MAPT: variants seen among roughly 807,000 people sequenced by gnomAD.
The protein encoded by MAPT is microtubule-associated protein tau.
MAPT carries 34 observed loss-of-function variants against 67.9 expected under a neutral mutation model. The ratio of observed to expected loss-of-function variants is 0.50; its 90% CI spans 0.38 to 0.67. The LOEUF is 0.67. Among genes scored for constraint, MAPT ranks in the 30% least tolerant of loss-of-function variants. The pLI is 0.00. For synonymous variants in MAPT, 456 were observed against 464.5 expected, an observed-to-expected ratio of 0.98 and a Z score of 0.23; for missense variants, 881 against 1,115.2, an observed-to-expected ratio of 0.79 and a Z score of 2.99.
At position 45,991,471 on chromosome 17, in the gene MAPT, T is replaced by C; in HGVS notation, c.1617T>C (p.Gly539=). ...TGTTTCATTTACAGGGGGCTGATGG[T>C]AAAACGAAGATCGCCACACCGCGGG... ...AKEMKLKGAD[G]KTKIATPRGA... The change falls in exon 8 of 13, where the codon GGT becomes GGC. Residue 539 remains glycine (G), a synonymous_variant. Coordinates refer to ENST00000262410, the MANE Select transcript of MAPT (RefSeq NM_001377265.1). 1 of 1,614,128 alleles carries C rather than the reference T, an allele frequency of 6.2e-7. No homozygotes were observed. The highest frequency in any genetic ancestry group is 1.3e-5 in the African/African-American group (1 of 75,038).
chr17:45,903,973 T>TTTA lies in MAPT; in HGVS notation c.-18+9288_-18+9289insTAT, dbSNP rs1568133456. Reference sequence around the variant, plus strand: ...TATATTATATATTATATATTATATATTATATATTATATATTTATATATATT... The same window carrying TTTA: ...TATATTATATATTATATATTATATATTTATATATATTATATATTTATATATATT... On this transcript the variant is annotated intron_variant, in intron 1 of 12. Transcript: ENST00000262410. Among the ~76,000 whole-genome samples, 35 of 16,228 alleles carry TTTA rather than the reference T, an allele frequency of 2.2e-3. 1 individual carries two copies. The highest frequency in any genetic ancestry group is 5.8e-3 in the African/African-American group (33 of 5,734). The allele number at this position is 16,228 out of a possible 152,430, so 10.6% of individuals were successfully genotyped here.
chr17:45,993,822 GC>G (rs2074259979), intron 8 of MAPT: 5 of 1,235,646 alleles, frequency 4.0e-6, no homozygotes, highest in Admixed American at 2.0e-5. Flanking sequence ...TCAGAATGGG[GC>G]CCCTGCTGGG....
At chr17:45,968,632 C>T (rs1417746617) in intron 2 of MAPT, among the ~76,000 whole-genome samples, 3 of 152,236 alleles carry the variant, frequency 2.0e-5, no homozygotes, top group African/African-American at 4.8e-5. Flanking sequence ...ACCAGAGCCA[C>T]TTTGTCCATC....
intron 5 of MAPT, among the ~76,000 whole-genome samples, chr17:45,986,285 C>CATT (rs1371798780): frequency 6.6e-6 from 1 of 152,184 alleles, no homozygotes; most frequent in African/African-American, 2.4e-5. Flanking sequence ...CCAAAGCCAC[C>CATT]ATTAGTGAGG....
intron 2 of MAPT, among the ~76,000 whole-genome samples, chr17:45,965,573 G>A (rs112003311): frequency 0.14 from 21,922 of 151,574 alleles, 2,128 homozygotes; most frequent in Non-Finnish European, 0.22. Flanking sequence ...CTACCACCAC[G>A]CCTGGCCAGT....
At position 46,022,896 on chromosome 17, in the gene MAPT, T is replaced by C. The variant is rs1442714377; in HGVS notation, c.2287-1060T>C. Among the ~76,000 whole-genome samples the C allele has an allele frequency of 2.6e-5, 4 of 151,654 alleles. No individual in the cohort carries two copies. The South Asian group carries it at 6.2e-4, about 24-fold the overall frequency. On this transcript the variant is annotated intron_variant, in intron 12 of 12. Coordinates refer to ENST00000262410, the MANE Select transcript of MAPT (RefSeq NM_001377265.1). ...CCTGGGCAAGTAGATAGGTAGATGA[T>C]TGATAGATAGATAGATAGATAAATA...
intron 11 of MAPT, among the ~76,000 whole-genome samples, chr17:46,017,651 G>A (rs533693094): frequency 1.4e-5 from 2 of 147,998 alleles, no homozygotes; most frequent in East Asian, 4.1e-4. Flanking sequence ...TAGAGACGAG[G>A]TTTCACCATG....
chr17:45,924,614 C>T (rs1261256666), intron 1 of MAPT, among the ~76,000 whole-genome samples: 3 of 152,256 alleles, frequency 2.0e-5, no homozygotes, highest in Admixed American at 2.0e-4. Context: ...CCCCAAGCCC[C>T]CATTTCCATC....
intron 9 of MAPT, chr17:45,999,826 C>A (rs2074847486): frequency 1.6e-6 from 1 of 641,052 alleles, no homozygotes; most frequent in East Asian, 2.8e-5. Flanking sequence ...ACAGTCACAG[C>A]CTCCCTTAAA....
chr17:45,919,147 T>G (rs2065459784), intron 1 of MAPT, among the ~76,000 whole-genome samples: 1 of 152,138 alleles, frequency 6.6e-6, no homozygotes, highest in Admixed American at 6.5e-5. Flanking sequence ...TACCTTGTTG[T>G]GGGACTGGGA....
chr17:45,984,008 T>C, intron 5 of MAPT, 78 bp downstream of exon 5: 1 of 1,253,750 alleles, frequency 8.0e-7, no homozygotes, highest in Admixed American at 2.3e-5. Context: ...CCACTGAGCT[T>C]CCAGGCCTCC....
chr17:45,905,546 A>C (rs1350183774), intron 1 of MAPT, among the ~76,000 whole-genome samples: 1 of 152,218 alleles, frequency 6.6e-6, no homozygotes, highest in African/African-American at 2.4e-5. Context: ...CAAGTTAAAA[A>C]AAATAAAAAT....
chr17:46,018,474 C>G, intron 11 of MAPT, 144 bp from the exon 12 acceptor site: 1 of 771,458 alleles, frequency 1.3e-6, no homozygotes, highest in South Asian at 1.4e-5. Flanking sequence ...CCCTCCAGAG[C>G]AGTGGCACCC....
intron 2 of MAPT, among the ~76,000 whole-genome samples, chr17:45,962,922 C>CA (rs55672513): frequency 0.15 from 21,472 of 141,602 alleles, 2,069 homozygotes; most frequent in Middle Eastern, 0.23. Flanking sequence ...AAGACCCTGT[C>CA]AAAAAAAAAA....
chr17:46,008,789 CAA>C (rs2075624298), intron 9 of MAPT, among the ~76,000 whole-genome samples: 1 of 152,170 alleles, frequency 6.6e-6, no homozygotes, highest in Non-Finnish European at 1.5e-5. Flanking sequence ...CCAGCATTCT[CAA>C]AAGAGCCACT....
intron 1 of MAPT, among the ~76,000 whole-genome samples, chr17:45,921,900 C>G (rs964553690): frequency 7.2e-5 from 11 of 152,074 alleles, no homozygotes; most frequent in African/African-American, 2.7e-4. Context: ...GAAGACTGCC[C>G]TTAGCGAAGT....
At chr17:45,987,013 A>G (rs975300828) in intron 5 of MAPT, 27 bp from the exon 6 acceptor site, 1 of 1,604,494 alleles carries the variant, frequency 6.2e-7, no homozygotes, top group Non-Finnish European at 8.5e-7. Context: ...GGAGTGTGAC[A>G]AGCATTCTTA....
Position 46,025,718 on chromosome 17 carries a change from A to G in MAPT, c.*1547A>G, listed in dbSNP as rs1254824998. ...CCCCTTCCTGTGCTGAGCCCACAGC[A>G]GCAGGCTGGGTGTCTTGGTTGTCAG... On this transcript the variant is annotated 3_prime_UTR_variant, in exon 13 of 13. Coordinates refer to ENST00000262410, the MANE Select transcript of MAPT (RefSeq NM_001377265.1). 1 of 152,432 alleles carries G rather than the reference A, an allele frequency of 6.6e-6. No individual in the cohort carries two copies. The highest frequency in any genetic ancestry group is 1.5e-5 in the Non-Finnish European group (1 of 68,188). The allele number at this position is 152,432 out of a possible 1,614,324, so 9.4% of individuals were successfully genotyped here.
At chr17:45,955,430 G>A (rs759413627) in intron 1 of MAPT, among the ~76,000 whole-genome samples, 13 of 152,096 alleles carry the variant, frequency 8.5e-5, no homozygotes, top group African/African-American at 1.4e-4. Flanking sequence ...CCATCCAATC[G>A]GCCCCGCCTG....
Sources: allele counts gnomAD v4.1 joint callset (sites outside exome capture counted in the v4.1 genomes callset), GRCh38; gene constraint gnomAD v4.1.1; transcripts MANE v1.5; gene names NCBI Gene and HGNC (gene_info 2026-07-23, HGNC 2026-07-21).